INSL6: variants seen among roughly 807,000 people sequenced by gnomAD.
The protein encoded by INSL6 is insulin-like peptide INSL6.
INSL6 carries 16 observed loss-of-function variants against 9.4 expected under a neutral mutation model. That is an observed-to-expected ratio of 1.70 (90% confidence interval 1.15 to 2.59). The LOEUF is 2.59. Ranked by LOEUF, INSL6 falls within the 30% of genes most tolerant of loss-of-function variation. INSL6 has a pLI of 0.00. For missense variants in INSL6, 391 were observed against 257.3 expected (o/e 1.52, Z -3.56); for synonymous variants, 154 against 96.9 (o/e 1.59, Z -3.46).
the INSL6 span, chr9:5,080,662 C>A: frequency 9.4e-6 from 15 of 1,589,468 alleles, no homozygotes; most frequent in Non-Finnish European, 1.3e-5. Flanking sequence ...CATACGAGAT[C>A]TTAACAGTTT....
At chr9:5,081,608 C>T in the INSL6 span, 2 of 659,024 alleles carry the variant, frequency 3.0e-6, no homozygotes, top group Non-Finnish European at 5.2e-6. Context: ...TTTGAGTTTC[C>T]CTGTATCATT....
chr9:5,082,044 G>C, the INSL6 span, among the ~76,000 whole-genome samples: 1 of 152,194 alleles, frequency 6.6e-6, no homozygotes, highest in African/African-American at 2.4e-5. Context: ...AATGAAGGGG[G>C]CCAGCCCCTC....
At chr9:5,137,313 G>T (rs1030636843) in intron 2 of INSL6, among the ~76,000 whole-genome samples, 2 of 152,072 alleles carry the variant, frequency 1.3e-5, no homozygotes, top group African/African-American at 4.8e-5. Context: ...GCATAGCCAA[G>T]ACAATCCTAA....
intron 2 of INSL6, among the ~76,000 whole-genome samples, chr9:5,142,193 A>G (rs556756232): frequency 1.3e-5 from 2 of 152,238 alleles, no homozygotes; most frequent in Non-Finnish European, 2.9e-5. Context: ...TGCCTTGGCT[A>G]TTTGGCTCTT....
rs1467071334 is a variant in INSL6 at position 5,138,707 on chromosome 9, G to A, written c.377-5115C>T. ...TAACAAACCTGCACTTTCGGTACAT[G>A]TACCCCAGAACTTAAACTATAATAA... On this transcript the variant is annotated intron_variant, in intron 2 of 3. Coordinates refer to the INSL6 transcript ENST00000649639. Among the ~76,000 whole-genome samples, 4 of 140,634 alleles carry A rather than the reference G, an allele frequency of 2.8e-5. No individual in the cohort carries two copies. The East Asian group carries it at 8.6e-4, about 30-fold the overall frequency. The allele number at this position is 140,634 out of a possible 152,430, so 92.3% of individuals were successfully genotyped here.
At chr9:5,076,716 T>C in the INSL6 span, among the ~76,000 whole-genome samples, 2 of 152,102 alleles carry the variant, frequency 1.3e-5, no homozygotes, top group Admixed American at 1.3e-4. Context: ...TTCAAGAAAA[T>C]TGTTTATATA....
the INSL6 span, chr9:5,090,530 A>G: frequency 6.3e-7 from 1 of 1,597,374 alleles, no homozygotes; most frequent in Non-Finnish European, 8.5e-7. Flanking sequence ...GAACGGATAG[A>G]TCACATAAAA....
At chr9:5,098,767 C>T in the INSL6 span, 1 of 151,514 alleles carries the variant, frequency 6.6e-6, no homozygotes, top group Non-Finnish European at 1.5e-5. Flanking sequence ...GATCTCAGCT[C>T]ACTGCAAGCT....
At chr9:5,096,574 A>C in the INSL6 span, 4 of 152,200 alleles carry the variant, frequency 2.6e-5, no homozygotes, top group African/African-American at 9.7e-5. Context: ...AACATAAAAA[A>C]TTACCTCAGG....
At chr9:5,108,988 T>A in the INSL6 span, 1 of 152,150 alleles carries the variant, frequency 6.6e-6, no homozygotes, top group African/African-American at 2.4e-5. Context: ...TGATATAGCC[T>A]CATGATGACT....
At chr9:5,170,965 AG>A (rs1825168140) in intron 1 of INSL6, among the ~76,000 whole-genome samples, 1 of 152,184 alleles carries the variant, frequency 6.6e-6, no homozygotes, top group South Asian at 2.1e-4. Context: ...ATCAAAAAGG[AG>A]GAACTCCTCC....
the INSL6 span, among the ~76,000 whole-genome samples, chr9:5,012,726 T>C: frequency 6.6e-6 from 1 of 152,240 alleles, no homozygotes; most frequent in African/African-American, 2.4e-5. Flanking sequence ...TGAGGTTCTT[T>C]GTTGAATTAT....
At chr9:5,083,772 TA>T in the INSL6 span, among the ~76,000 whole-genome samples, 1 of 105,056 alleles carries the variant, frequency 9.5e-6, no homozygotes, top group Admixed American at 8.7e-5. Flanking sequence ...ATTATAAAGT[TA>T]TCTTTTCAAG....
At chr9:5,001,367 CTAAT>C in the INSL6 span, among the ~76,000 whole-genome samples, 1 of 152,054 alleles carries the variant, frequency 6.6e-6, no homozygotes, top group Non-Finnish European at 1.5e-5. Flanking sequence ...CCTTCTTTTT[CTAAT>C]TTATTTCCAG....
At chr9:5,040,449 A>T in the INSL6 span, among the ~76,000 whole-genome samples, 1 of 152,376 alleles carries the variant, frequency 6.6e-6, no homozygotes, top group South Asian at 2.1e-4. Flanking sequence ...AAAATAGTTA[A>T]GTTAGGCTTT....
chr9:5,155,104 A>T (rs1003393312), intron 2 of INSL6, among the ~76,000 whole-genome samples: 1 of 151,814 alleles, frequency 6.6e-6, no homozygotes, highest in Non-Finnish European at 1.5e-5. Flanking sequence ...GACTGGATTA[A>T]GAAAATGTGG....
chr9:5,082,003 T>TG, the INSL6 span: 39 of 694,940 alleles, frequency 5.6e-5, no homozygotes, highest in Non-Finnish European at 8.9e-5. Flanking sequence ...GTTGGAGAAA[T>TG]GCTGTGTTAA....
intron 2 of INSL6, among the ~76,000 whole-genome samples, chr9:5,145,647 G>A (rs1156321007): frequency 1.3e-5 from 2 of 152,148 alleles, no homozygotes; most frequent in Non-Finnish European, 2.9e-5. Flanking sequence ...TGGAAGGTTT[G>A]TTTATTCCTT....
the INSL6 span, among the ~76,000 whole-genome samples, chr9:5,056,948 C>G: frequency 6.6e-6 from 1 of 152,122 alleles, no homozygotes; most frequent in Non-Finnish European, 1.5e-5. Flanking sequence ...AACCTAAGCT[C>G]TTAAGTGTGA....
Sources: gnomAD v4.1 joint callset for allele counts (sites outside exome capture counted in the v4.1 genomes callset) on GRCh38, gnomAD v4.1.1 for gene constraint, MANE v1.5 for transcripts, NCBI Gene and HGNC (gene_info 2026-07-23, HGNC 2026-07-21) for gene names.